SORBS2: variants seen among roughly 807,000 people sequenced by gnomAD.
SORBS2 encodes the protein sorbin and SH3 domain-containing protein 2.
Under a neutral mutation model 97.7 loss-of-function variants are expected in SORBS2, and 46 were observed. The ratio of observed to expected loss-of-function variants is 0.47; its 90% CI spans 0.37 to 0.60. The LOEUF (loss-of-function observed/expected upper bound fraction) is 0.60. SORBS2 is among the 20% of genes least tolerant of loss of function. The pLI, the probability that SORBS2 is intolerant of heterozygous loss-of-function variation, is 0.00. For missense variants in SORBS2, 1,316 were observed against 1,282.3 expected (o/e 1.03, Z -0.40); for synonymous variants, 476 against 473.4 (o/e 1.01, Z -0.07).
rs72496335 is a variant in SORBS2, at chr4:185,891,034, G to A, written c.-338+65162C>T. On this transcript the variant is annotated intron_variant, in intron 1 of 20. Transcript: ENST00000284776. ...GTTTCTTCAGCTATAAAATAAAGGC[G>A]TCAGGACAGACTGCCTCTGAGATTC... Among the ~76,000 whole-genome samples the A allele has an allele frequency of 4.3e-4, 65 of 152,276 alleles. No homozygotes were observed. In the East Asian group the frequency reaches 0.011, roughly 25 times the overall value.
chr4:185,945,816 G>A (rs1230539942), intron 1 of SORBS2, among the ~76,000 whole-genome samples: 3 of 152,188 alleles, frequency 2.0e-5, no homozygotes, highest in Non-Finnish European at 4.4e-5. Context: ...CGGAAATGGA[G>A]GGCTTCGGGC....
intron 1 of SORBS2, among the ~76,000 whole-genome samples, chr4:185,784,354 T>A (rs150839867): frequency 0.024 from 3,615 of 152,256 alleles, 148 homozygotes; most frequent in African/African-American, 0.082. Context: ...ATGGTCTCGA[T>A]CTCCTGACCT....
chr4:185,715,156 G>A (rs868054930), intron 2 of SORBS2, among the ~76,000 whole-genome samples: 1 of 152,088 alleles, frequency 6.6e-6, no homozygotes, highest in Non-Finnish European at 1.5e-5. Context: ...CTTTTGGATA[G>A]CATGACTAAA....
chr4:185,879,575 G>A (rs1333077206), intron 1 of SORBS2, among the ~76,000 whole-genome samples: 1 of 152,170 alleles, frequency 6.6e-6, no homozygotes, highest in Non-Finnish European at 1.5e-5. Context: ...TCTAGTTCTA[G>A]ATCCCTGAGG....
intron 2 of SORBS2, among the ~76,000 whole-genome samples, chr4:185,753,270 A>G (rs527305923): frequency 6.6e-6 from 1 of 152,344 alleles, no homozygotes; most frequent in East Asian, 1.9e-4. Flanking sequence ...AACATTTTTC[A>G]TTTCCTTAAG....
chr4:185,590,527 C>G (rs1010678269), intron 13 of SORBS2, among the ~76,000 whole-genome samples: 1 of 152,074 alleles, frequency 6.6e-6, no homozygotes, highest in African/African-American at 2.4e-5. Context: ...ACATAAGTCT[C>G]TTTTTAAAAT....
chr4:185,679,874 CT>C (rs2097846344), intron 2 of SORBS2, among the ~76,000 whole-genome samples: 1 of 152,180 alleles, frequency 6.6e-6, no homozygotes, highest in Non-Finnish European at 1.5e-5. Context: ...TAAAAATGGG[CT>C]GAGAAATGCG....
chr4:185,608,631 T>C (rs565407318), intron 12 of SORBS2, among the ~76,000 whole-genome samples: 1 of 152,346 alleles, frequency 6.6e-6, no homozygotes, highest in South Asian at 2.1e-4. Flanking sequence ...ACACCCCATA[T>C]GTACCCATAA....
intron 1 of SORBS2, among the ~76,000 whole-genome samples, chr4:185,902,589 A>G (rs921622978): frequency 6.6e-6 from 1 of 152,016 alleles, no homozygotes; most frequent in Non-Finnish European, 1.5e-5. Context: ...GACTAACTTC[A>G]ATAATTGGTC....
chr4:185,928,847 A>G (rs1249257084), intron 1 of SORBS2, among the ~76,000 whole-genome samples: 1 of 152,172 alleles, frequency 6.6e-6, no homozygotes, highest in African/African-American at 2.4e-5. Context: ...CGCCTGGCCA[A>G]GAAGGTTCTT....
At chr4:185,948,510 A>ATTTTTT (rs34637572) in intron 1 of SORBS2, among the ~76,000 whole-genome samples, 6 of 87,760 alleles carry the variant, frequency 6.8e-5, no homozygotes, top group South Asian at 4.4e-4. Context: ...ATGAATTTCA[A>ATTTTTT]TTTTTTTTTT....
chr4:185,898,882 G>C (rs1250114776), intron 1 of SORBS2, among the ~76,000 whole-genome samples: 1 of 152,138 alleles, frequency 6.6e-6, no homozygotes, highest in Non-Finnish European at 1.5e-5. Flanking sequence ...TAACCCACAC[G>C]ATATTGTGGA....
At chr4:185,779,509 C>T (rs765045647) in intron 1 of SORBS2, among the ~76,000 whole-genome samples, 8 of 152,166 alleles carry the variant, frequency 5.3e-5, no homozygotes, top group Non-Finnish European at 8.8e-5. Flanking sequence ...CTTTCATGGG[C>T]GTGAGTTTTT....
At chr4:185,829,398 C>A (rs931065348) in intron 1 of SORBS2, among the ~76,000 whole-genome samples, 5 of 152,112 alleles carry the variant, frequency 3.3e-5, no homozygotes, top group Admixed American at 3.3e-4. Flanking sequence ...CTATTGAGAT[C>A]TTGGTGTATA....
intron 9 of SORBS2, 184 bp from the exon 22 acceptor site, chr4:185,615,343 T>A (rs2096611902): frequency 1.0e-5 from 6 of 583,520 alleles, no homozygotes. Flanking sequence ...TAAAACATTA[T>A]AACTTTAGAA....
intron 1 of SORBS2, among the ~76,000 whole-genome samples, chr4:185,817,218 G>GAA (rs35137737): frequency 6.8e-6 from 1 of 146,512 alleles, no homozygotes; most frequent in Non-Finnish European, 1.5e-5. Context: ...AATAACAAAA[G>GAA]AAAAAAAAAA....
chr4:185,659,543 A>G (rs925950250), upstream of SORBS2, among the ~76,000 whole-genome samples: 5 of 151,424 alleles, frequency 3.3e-5, no homozygotes, highest in East Asian at 9.8e-4. Flanking sequence ...CAGCCTCCCG[A>G]GTAGCTGGGA....
chr4:185,660,956 T>A (rs1395519860), upstream of SORBS2, among the ~76,000 whole-genome samples: 1 of 152,130 alleles, frequency 6.6e-6, no homozygotes, highest in African/African-American at 2.4e-5. Flanking sequence ...ATTTTAGGTT[T>A]TTAAGTTACA....
At chr4:185,938,079 G>A (rs373128766) in intron 1 of SORBS2, among the ~76,000 whole-genome samples, 1 of 144,178 alleles carries the variant, frequency 6.9e-6, no homozygotes, top group Admixed American at 7.3e-5. Flanking sequence ...GCATGATCTC[G>A]GCCCACTGCA....
Sources: allele counts gnomAD v4.1 joint callset (sites outside exome capture counted in the v4.1 genomes callset), GRCh38; gene constraint gnomAD v4.1.1; transcripts MANE v1.5; gene names NCBI Gene and HGNC (gene_info 2026-07-23, HGNC 2026-07-21).